Variants in ERBB4 observed in about 807,000 individuals in gnomAD.
ERBB4 encodes the protein erb-b2 receptor tyrosine kinase 4, also known as receptor tyrosine-protein kinase erbB-4.
Under a neutral mutation model 158.0 loss-of-function variants are expected in ERBB4, and 42 were observed. The observed-to-expected ratio is 0.27, with a 90% confidence interval of 0.21 to 0.34. The LOEUF (loss-of-function observed/expected upper bound fraction) is 0.34. Ranked by LOEUF, ERBB4 falls within the 10% of genes least tolerant of loss-of-function variation. The pLI is 1.00. For synonymous variants in ERBB4, 583 were observed against 558.7 expected (o/e 1.04, Z -0.61); for missense variants, 1,333 against 1,624.1 (o/e 0.82, Z 3.08).
chr2:211,618,090 G>GT (rs1267393540), intron 19 of ERBB4, among the ~76,000 whole-genome samples: 2 of 151,858 alleles, frequency 1.3e-5, no homozygotes, highest in Non-Finnish European at 2.9e-5. Flanking sequence ...CATAGTTGGA[G>GT]TTTTTTAACC....
intron 20 of ERBB4, among the ~76,000 whole-genome samples, chr2:211,487,044 C>A (rs577288264): frequency 1.3e-5 from 2 of 151,152 alleles, no homozygotes; most frequent in Admixed American, 6.6e-5. Flanking sequence ...ATGTGCACAA[C>A]GTGCAGGTTT....
At chr2:212,505,657 G>T (rs945701958) in intron 1 of ERBB4, among the ~76,000 whole-genome samples, 1 of 148,856 alleles carries the variant, frequency 6.7e-6, no homozygotes, top group Non-Finnish European at 1.5e-5. Flanking sequence ...CTCCTACAGG[G>T]ACAAACAGCA....
At chr2:212,386,572 T>TAA (rs36107803) in intron 1 of ERBB4, among the ~76,000 whole-genome samples, 2,610 of 135,900 alleles carry the variant, frequency 0.019, 68 homozygotes, top group East Asian at 0.068. Flanking sequence ...CTTTCTTTCT[T>TAA]AAAAAAAAAA....
chr2:211,881,963 A>G (rs1275774860), intron 3 of ERBB4, among the ~76,000 whole-genome samples: 1 of 152,178 alleles, frequency 6.6e-6, no homozygotes, highest in Non-Finnish European at 1.5e-5. Context: ...AGGACCAAAG[A>G]AAGATAACAT....
intron 20 of ERBB4, among the ~76,000 whole-genome samples, chr2:211,513,152 G>A (rs1377565764): frequency 6.6e-6 from 1 of 151,738 alleles, no homozygotes; most frequent in Non-Finnish European, 1.5e-5. Flanking sequence ...AAGAAAAAAG[G>A]AAAAAGAGAA....
chr2:212,407,733 A>C (rs868192432), intron 1 of ERBB4, among the ~76,000 whole-genome samples: 1 of 152,096 alleles, frequency 6.6e-6, no homozygotes, highest in Admixed American at 6.6e-5. Flanking sequence ...ATGAATTAGA[A>C]GTTTTGACAA....
At position 211,970,256 on chromosome 2, in the gene ERBB4, T is replaced by C. The variant is rs1052576670; in HGVS notation, c.235-22640A>G. ...GATTGTGCTGTGGTACAAGAGACTG[T>C]CATGATTTCAGTTCTTTTGCATTTA... On this transcript the variant is annotated intron_variant, in intron 2 of 27. Transcript: ENST00000342788. Among the ~76,000 whole-genome samples the C allele has an allele frequency of 5.3e-5, 8 of 152,212 alleles. 1 individual carries two copies. Among genetic ancestry groups the C allele is most frequent in the Non-Finnish European group, 1.2e-4 (8 of 68,008 alleles).
intron 1 of ERBB4, among the ~76,000 whole-genome samples, chr2:212,184,071 C>T (rs2081947842): frequency 6.6e-6 from 1 of 152,042 alleles, no homozygotes; most frequent in Non-Finnish European, 1.5e-5. Flanking sequence ...TTTTCTCCTG[C>T]CTTAGGTCAT....
At chr2:211,388,633 A>G (rs1425880323) in intron 25 of ERBB4, among the ~76,000 whole-genome samples, 1 of 151,978 alleles carries the variant, frequency 6.6e-6, no homozygotes, top group African/African-American at 2.4e-5. Flanking sequence ...TTTCCTGAAA[A>G]CATGCTTTAG....
intron 3 of ERBB4, among the ~76,000 whole-genome samples, chr2:211,937,616 G>A (rs1468876035): frequency 6.6e-6 from 1 of 152,106 alleles, no homozygotes. Flanking sequence ...AGAAGGGGAA[G>A]CAAACACATC....
chr2:212,419,062 G>A (rs1242834451), intron 1 of ERBB4, among the ~76,000 whole-genome samples: 4 of 151,270 alleles, frequency 2.6e-5, no homozygotes, highest in African/African-American at 9.7e-5. Context: ...TATTCGCACA[G>A]TATTTGCTAA....
chr2:212,133,491 C>T (rs1297862849), intron 1 of ERBB4, among the ~76,000 whole-genome samples: 2 of 150,134 alleles, frequency 1.3e-5, no homozygotes, highest in African/African-American at 4.9e-5. Flanking sequence ...TATGTCTCCA[C>T]ATTAGAATGC....
chr2:211,900,361 A>G (rs1389026895), intron 3 of ERBB4, among the ~76,000 whole-genome samples: 2 of 127,396 alleles, frequency 1.6e-5, no homozygotes, highest in Non-Finnish European at 3.2e-5. Flanking sequence ...TCTAATTACT[A>G]TTTTATGTTT....
intron 26 of ERBB4, among the ~76,000 whole-genome samples, chr2:211,387,583 G>A (rs1466472732): frequency 1.3e-5 from 2 of 152,072 alleles, no homozygotes; most frequent in Non-Finnish European, 2.9e-5. Flanking sequence ...AAATTCTGTG[G>A]TTATTATGAA....
intron 1 of ERBB4, among the ~76,000 whole-genome samples, chr2:212,498,918 C>A (rs1340882436): frequency 6.6e-6 from 1 of 151,948 alleles, no homozygotes; most frequent in Non-Finnish European, 1.5e-5. Flanking sequence ...TACTCCTAAG[C>A]CCTATCTTTG....
chr2:212,123,563 A>G (rs1262082755), intron 2 of ERBB4, among the ~76,000 whole-genome samples: 1 of 152,182 alleles, frequency 6.6e-6, no homozygotes, highest in Non-Finnish European at 1.5e-5. Flanking sequence ...ACTTACAGAA[A>G]CAGAGCTCTA....
intron 2 of ERBB4, among the ~76,000 whole-genome samples, chr2:212,037,243 A>AC (rs1285694450): frequency 1.3e-5 from 2 of 152,176 alleles, no homozygotes; most frequent in Non-Finnish European, 2.9e-5. Flanking sequence ...GGAAGTTGGC[A>AC]CTTAGCCTAG....
chr2:211,502,676 A>T (rs986688455), intron 20 of ERBB4, among the ~76,000 whole-genome samples: 1 of 152,176 alleles, frequency 6.6e-6, no homozygotes, highest in Non-Finnish European at 1.5e-5. Context: ...ATGAAAATGT[A>T]TAAATGTAGA....
intron 2 of ERBB4, among the ~76,000 whole-genome samples, chr2:212,085,260 A>G (rs1386132162): frequency 6.6e-6 from 1 of 151,946 alleles, no homozygotes; most frequent in Non-Finnish European, 1.5e-5. Context: ...ATCAAATAAT[A>G]TATTTGAAAT....
Sources: gnomAD v4.1 joint callset for allele counts (sites outside exome capture counted in the v4.1 genomes callset) on GRCh38, gnomAD v4.1.1 for gene constraint, MANE v1.5 for transcripts, NCBI Gene and HGNC (gene_info 2026-07-23, HGNC 2026-07-21) for gene names.